CLTCL1: variants seen among roughly 807,000 people sequenced by gnomAD.
CLTCL1 encodes the protein clathrin heavy chain like 1, also known as clathrin heavy chain 2.
A neutral mutation model predicts 190.0 loss-of-function variants in CLTCL1; 159 were observed. That is an observed-to-expected ratio of 0.84 (90% CI 0.74 to 0.95). CLTCL1 has a LOEUF of 0.95. Among genes scored for constraint, CLTCL1 ranks in the 40% least tolerant of loss-of-function variants. The pLI is 0.00. For missense variants in CLTCL1, 1,878 were observed against 2,033.4 expected, an observed-to-expected ratio of 0.92 and a Z score of 1.47; for synonymous variants, 752 against 769.6, an observed-to-expected ratio of 0.98 and a Z score of 0.38.
At chr22:19,263,508 G>A (rs1445536375) in intron 2 of CLTCL1, among the ~76,000 whole-genome samples, 2 of 152,172 alleles carry the variant, frequency 1.3e-5, no homozygotes, top group East Asian at 3.9e-4. Context: ...TCTGCCTCCC[G>A]GGTTCACACC....
Position 19,232,556 on chromosome 22 carries a change from T to C in CLTCL1, c.1564A>G (p.Met522Val), listed in dbSNP as rs1429237433. 6.2e-7 allele frequency: 1 copy of C among 1,613,766 alleles called. No homozygotes were observed. The highest frequency in any genetic ancestry group is 1.3e-5 in the African/African-American group (1 of 74,912). The change falls in exon 10 of 33, where the codon ATG becomes GTG. Residue 522 changes from methionine (M) to valine (V), a missense_variant. Physicochemically the swap from Met to Val is conservative, Grantham distance 21. Transcript: ENST00000427926. ...PDWIFLLRGV[M>V]KISPEQGLQF... ...AGGCCCTGTTCCGGACTGATCTTCA[T>C]TACACCCCTCAGCAGAAAGATCCAG...
chr22:19,243,443 C>T lies in CLTCL1; in HGVS notation c.520-507G>A, dbSNP rs534928365. 7.2e-5 allele frequency among the ~76,000 whole-genome samples: 11 copies of T among 152,192 alleles called. 1 individual carries two copies. In the East Asian group the frequency reaches 7.7e-4, roughly 11 times the overall value. The stretch of plus-strand genomic sequence containing the variant: ...GACTAGTCTGGGCAACATAGCAAGA[C>T]GCCATCTCTACAAAAAAATAAGAAA... On this transcript the variant is annotated intron_variant, in intron 3 of 32. Transcript: ENST00000427926.
intron 2 of CLTCL1, among the ~76,000 whole-genome samples, chr22:19,266,410 G>A (rs2087125079): frequency 6.6e-6 from 1 of 152,152 alleles, no homozygotes; most frequent in South Asian, 2.1e-4. Flanking sequence ...TTCACAGCAA[G>A]TAAGGAAGTT....
At chr22:19,221,878 G>C in intron 16 of CLTCL1, 73 bp downstream of exon 16, 9 of 1,535,828 alleles carry the variant, frequency 5.9e-6, no homozygotes, top group South Asian at 1.2e-5. Flanking sequence ...GACAGTCCTG[G>C]AGAATTAGAC....
intron 18 of CLTCL1, among the ~76,000 whole-genome samples, chr22:19,216,497 C>T (rs1419162564): frequency 6.6e-6 from 1 of 152,250 alleles, no homozygotes; most frequent in Non-Finnish European, 1.5e-5. Flanking sequence ...TACTCAGCTC[C>T]AATGACCAGT....
At chr22:19,230,970 A>C (rs1220583920) in intron 10 of CLTCL1, among the ~76,000 whole-genome samples, 1 of 152,128 alleles carries the variant, frequency 6.6e-6, no homozygotes, top group African/African-American at 2.4e-5. Flanking sequence ...GAGCTGGGAC[A>C]TTCTCCACCT....
rs955557697 is a variant in CLTCL1 at position 19,184,826 on chromosome 22, A to C, written c.4606-1215T>G. On this transcript the variant is annotated intron_variant, in intron 29 of 32. Coordinates refer to ENST00000427926, the MANE Select transcript of CLTCL1 (RefSeq NM_007098.4). ...CTCCTGCGGCCTGGAGCCCAGCTCG[A>C]GTCAGGCTCTCCCACACCCTCCTCT... 1.2e-4 allele frequency: 39 copies of C among 334,096 alleles called. No individual in the cohort carries two copies. The East Asian group carries it at 3.2e-3, about 27-fold the overall frequency. 20.7% of individuals were successfully genotyped at this position (334,096 alleles called of 1,614,324 possible).
intron 17 of CLTCL1, 57 bp downstream of exon 17, chr22:19,221,320 G>A: frequency 7.2e-7 from 1 of 1,392,302 alleles, no homozygotes; most frequent in Non-Finnish European, 9.8e-7. Flanking sequence ...GCACACCTTT[G>A]AAAGCTTCCC....
chr22:19,269,100 A>C (rs1357365819), intron 2 of CLTCL1, among the ~76,000 whole-genome samples: 1 of 151,346 alleles, frequency 6.6e-6, no homozygotes, highest in Admixed American at 6.6e-5. Context: ...AAAAAAAAAA[A>C]AGAAGAAAAA....
intron 2 of CLTCL1, among the ~76,000 whole-genome samples, chr22:19,274,647 T>C (rs1286979181): frequency 2.0e-5 from 3 of 152,024 alleles, no homozygotes; most frequent in African/African-American, 7.2e-5. Context: ...ACTATTTCTG[T>C]AATAAAATAG....
At chr22:19,246,552 C>T (rs1240713600) in intron 3 of CLTCL1, among the ~76,000 whole-genome samples, 1 of 152,044 alleles carries the variant, frequency 6.6e-6, no homozygotes, top group Non-Finnish European at 1.5e-5. Flanking sequence ...TCTCGGCTCA[C>T]TTCAACCTCT....
At chr22:19,184,294 C>T (rs2084238538) in intron 29 of CLTCL1, 3 of 351,626 alleles carry the variant, frequency 8.5e-6, no homozygotes, top group South Asian at 6.3e-5. Flanking sequence ...AGGGCCACTC[C>T]ACCTGGAGTT....
At chr22:19,218,319 C>T (rs1292726240) in intron 18 of CLTCL1, among the ~76,000 whole-genome samples, 1 of 152,050 alleles carries the variant, frequency 6.6e-6, no homozygotes, top group African/African-American at 2.4e-5. Flanking sequence ...GATGTAGAAC[C>T]CTAGTAGAAT....
intron 3 of CLTCL1, among the ~76,000 whole-genome samples, chr22:19,244,292 C>A (rs567833376): frequency 6.6e-6 from 1 of 152,244 alleles, no homozygotes; most frequent in South Asian, 2.1e-4. Flanking sequence ...CACATGCTAC[C>A]ACATGGATGA....
At chr22:19,282,793 G>A (rs2087766331) in intron 1 of CLTCL1, among the ~76,000 whole-genome samples, 1 of 151,726 alleles carries the variant, frequency 6.6e-6, no homozygotes, top group Non-Finnish European at 1.5e-5. Flanking sequence ...ATACTACTGT[G>A]AGTTTTTCTC....
chr22:19,260,499 GGC>G (rs1300328247), intron 2 of CLTCL1, among the ~76,000 whole-genome samples: 1 of 148,634 alleles, frequency 6.7e-6, no homozygotes, highest in Non-Finnish European at 1.5e-5. Context: ...AAATTGACTG[GGC>G]GCAGTGGCTC....
chr22:19,238,697 C>G (rs1351824953), intron 5 of CLTCL1: 2 of 159,632 alleles, frequency 1.3e-5, no homozygotes, highest in East Asian at 3.2e-4. Flanking sequence ...ATAATTCTCC[C>G]ACCAGGGGCT....
chr22:19,258,522 G>T (rs1210522159), intron 2 of CLTCL1: 2 of 540,292 alleles, frequency 3.7e-6, no homozygotes, highest in East Asian at 8.7e-5. Context: ...CACGCAGATG[G>T]AGCAGCTCAA....
At chr22:19,228,038 G>A (rs2085806467) in intron 11 of CLTCL1, among the ~76,000 whole-genome samples, 1 of 151,742 alleles carries the variant, frequency 6.6e-6, no homozygotes, top group Admixed American at 6.6e-5. Context: ...CCTGCCACCT[G>A]GCACACTCTT....
Sources: gnomAD v4.1 joint callset for allele counts (sites outside exome capture counted in the v4.1 genomes callset) on GRCh38, gnomAD v4.1.1 for gene constraint, MANE v1.5 for transcripts, NCBI Gene and HGNC (gene_info 2026-07-23, HGNC 2026-07-21) for gene names.